The following ZNF609 variants were observed in gnomAD, a reference collection of about 807,000 sequenced individuals.
The protein encoded by ZNF609 is zinc finger protein 609.
Under a neutral mutation model 109.5 loss-of-function variants are expected in ZNF609, and 11 were observed. The observed-to-expected ratio is 0.10, with a 90% CI of 0.06 to 0.17. The LOEUF (loss-of-function observed/expected upper bound fraction) is 0.17, where lower values mean the gene tolerates loss of function less well. ZNF609 is among the 10% of genes least tolerant of loss of function. The pLI is 1.00. For missense variants in ZNF609, 1,559 were observed against 1,772.4 expected (o/e 0.88, Z 2.16); for synonymous variants, 646 against 662.0 (o/e 0.98, Z 0.37).
intron 2 of ZNF609, among the ~76,000 whole-genome samples, chr15:64,569,962 T>C (rs935253253): frequency 6.6e-5 from 10 of 152,230 alleles, no homozygotes; most frequent in African/African-American, 2.2e-4. Context: ...TTGCACTGTG[T>C]GCCAAGAACG....
chr15:64,493,049 A>C (rs761284016), intron 1 of ZNF609, among the ~76,000 whole-genome samples: 2 of 152,264 alleles, frequency 1.3e-5, no homozygotes, highest in Non-Finnish European at 2.9e-5. Flanking sequence ...TCCAAAATCC[A>C]TAAGAAAAAG....
At chr15:64,482,233 C>G (rs1239792920) in intron 1 of ZNF609, among the ~76,000 whole-genome samples, 1 of 152,096 alleles carries the variant, frequency 6.6e-6, no homozygotes, top group African/African-American at 2.4e-5. Flanking sequence ...GTTTCTAGTA[C>G]AAATGATGAT....
At chr15:64,537,703 TAGAA>T (rs1021512849) in intron 2 of ZNF609, among the ~76,000 whole-genome samples, 14 of 152,312 alleles carry the variant, frequency 9.2e-5, no homozygotes, top group African/African-American at 2.6e-4. Context: ...AAAATTTACA[TAGAA>T]AGAAGAAGTG....
intron 2 of ZNF609, among the ~76,000 whole-genome samples, chr15:64,517,579 A>G (rs979470557): frequency 4.6e-5 from 7 of 152,000 alleles, no homozygotes; most frequent in African/African-American, 1.7e-4. Flanking sequence ...ACTTAGGATA[A>G]AGAGTTGAAG....
chr15:64,655,707 GTAA>G (rs1314982149), intron 3 of ZNF609, among the ~76,000 whole-genome samples: 6 of 152,026 alleles, frequency 3.9e-5, no homozygotes, highest in Non-Finnish European at 5.9e-5. Flanking sequence ...GCAGGTGCCT[GTAA>G]TCCCAGCTAC....
rs7163728 is a variant in ZNF609 at position 64,658,998 on chromosome 15, T to C, written c.974-11348T>C. 8.9e-3 allele frequency among the ~76,000 whole-genome samples: 1,355 copies of C among 152,212 alleles called. 24 individuals carry two copies. Among genetic ancestry groups the C allele is most frequent in the African/African-American group, 0.031 (1,289 of 41,514 alleles). ...TTAGTAGAGACGGGGTTTCACCATG[T>C]TGGCCAGGCTAGTGTCCAACTGGCC... On this transcript the variant is annotated intron_variant, in intron 3 of 9. Transcript: ENST00000326648.
At chr15:64,494,476 C>T (rs1039900709) in intron 1 of ZNF609, among the ~76,000 whole-genome samples, 4 of 152,020 alleles carry the variant, frequency 2.6e-5, no homozygotes, top group African/African-American at 9.7e-5. Context: ...CTCTTTCTAC[C>T]CTCAGAGTCA....
chr15:64,616,727 G>A (rs951604379), intron 2 of ZNF609, among the ~76,000 whole-genome samples: 1 of 147,006 alleles, frequency 6.8e-6, no homozygotes, highest in African/African-American at 2.5e-5. Flanking sequence ...CACCGTGTTA[G>A]CCAGGATGGT....
intron 3 of ZNF609, among the ~76,000 whole-genome samples, chr15:64,636,270 C>T (rs968078832): frequency 1.3e-5 from 2 of 152,168 alleles, no homozygotes; most frequent in African/African-American, 4.8e-5. Context: ...GTGCTTACTC[C>T]TGCCAGATCC....
chr15:64,539,508 A>G (rs866072642), intron 2 of ZNF609, among the ~76,000 whole-genome samples: 11 of 121,584 alleles, frequency 9.0e-5, no homozygotes, highest in South Asian at 2.6e-4. Flanking sequence ...CGCCTGGCCA[A>G]TTTTTTTATT....
At chr15:64,593,566 G>T (rs111359879) in intron 2 of ZNF609, among the ~76,000 whole-genome samples, 2 of 151,940 alleles carry the variant, frequency 1.3e-5, no homozygotes, top group Non-Finnish European at 2.9e-5. Context: ...TTGTTCTCTC[G>T]CCCAGGCTGG....
intron 2 of ZNF609, among the ~76,000 whole-genome samples, chr15:64,600,754 CT>C (rs1255065306): frequency 3.3e-5 from 5 of 151,930 alleles, no homozygotes; most frequent in Admixed American, 1.3e-4. Context: ...AATGGCCTCT[CT>C]TAATTTTTAT....
intron 1 of ZNF609, among the ~76,000 whole-genome samples, chr15:64,479,205 A>G (rs1403329050): frequency 2.0e-5 from 3 of 151,662 alleles, no homozygotes; most frequent in Non-Finnish European, 4.4e-5. Context: ...AGTTATAACA[A>G]GGTCACATTT....
At position 64,540,700 on chromosome 15, in the gene ZNF609, G is replaced by C. The variant is rs115755974; in HGVS notation, c.747+40534G>C. ...ATTACAGGTGTGAGATACCGTGTCC[G>C]GCCACAGATAGGTTTTTAAAATGTA... On this transcript the variant is annotated intron_variant, in intron 2 of 9. Transcript: ENST00000326648. Among the ~76,000 whole-genome samples the C allele has an allele frequency of 9.3e-3, 1,409 of 151,546 alleles. 24 individuals are homozygous for C. Among genetic ancestry groups the C allele is most frequent in the African/African-American group, 0.033 (1,344 of 41,344 alleles).
intron 1 of ZNF609, among the ~76,000 whole-genome samples, chr15:64,497,563 A>G (rs1893499082): frequency 6.6e-6 from 1 of 152,172 alleles, no homozygotes; most frequent in Admixed American, 6.6e-5. Context: ...TGCAGAATTC[A>G]CTGTGACACT....
At chr15:64,582,555 C>T (rs755390806) in intron 2 of ZNF609, among the ~76,000 whole-genome samples, 10 of 151,994 alleles carry the variant, frequency 6.6e-5, no homozygotes, top group Admixed American at 6.6e-5. Flanking sequence ...AATTTCTCAC[C>T]GACAAAAACT....
chr15:64,482,574 TAAG>T (rs1236053628), intron 1 of ZNF609, among the ~76,000 whole-genome samples: 2 of 152,164 alleles, frequency 1.3e-5, no homozygotes, highest in East Asian at 3.8e-4. Flanking sequence ...GTTCTGTCCA[TAAG>T]AAGGGTTCAG....
intron 2 of ZNF609, chr15:64,593,149 C>T (rs1271702457): frequency 2.4e-5 from 38 of 1,570,828 alleles, no homozygotes; most frequent in Middle Eastern, 2.0e-4. Context: ...CTGAAGCGAG[C>T]GTCTTCGATG....
At chr15:64,670,318 T>G (rs761321812) in intron 3 of ZNF609, 28 bp from the exon 4 acceptor site, 1 of 1,589,550 alleles carries the variant, frequency 6.3e-7, no homozygotes. Context: ...GTGTGTCTTG[T>G]CTATATCTAT....
Sources: allele counts gnomAD v4.1 joint callset (sites outside exome capture counted in the v4.1 genomes callset), GRCh38; gene constraint gnomAD v4.1.1; transcripts MANE v1.5; gene names NCBI Gene and HGNC (gene_info 2026-07-23, HGNC 2026-07-21).